The following TOX2 variants were observed in gnomAD, a reference collection of about 807,000 sequenced individuals.
TOX2 encodes the protein TOX high mobility group box family member 2.
Under a neutral mutation model 47.4 loss-of-function variants are expected in TOX2, and 15 were observed. The ratio of observed to expected loss-of-function variants is 0.32; its 90% CI spans 0.21 to 0.49. TOX2 has a LOEUF of 0.49. Among genes scored for constraint, TOX2 ranks in the 20% least tolerant of loss-of-function variants. The pLI, the probability that TOX2 is intolerant of heterozygous loss-of-function variation, is 0.99. For missense variants in TOX2, 622 were observed against 673.1 expected (o/e 0.92, Z 0.84); for synonymous variants, 290 against 296.6 (o/e 0.98, Z 0.23).
rs2071810767 is a variant in TOX2, at chr20:44,065,960, C to T, written c.1209C>T (p.His403=). 1.2e-6 allele frequency: 2 copies of T among 1,613,400 alleles called. No individual in the cohort carries two copies. Among genetic ancestry groups the T allele is most frequent in the Non-Finnish European group, 1.7e-6 (2 of 1,179,858 alleles). Residue 403 remains histidine (H), a synonymous_variant, in exon 7 of 9, where the codon CAC becomes CAT. Transcript: ENST00000341197. ...CCTTCCCGCTCAGCCCCACACTGCA[C>T]CAGCAGCTGTCACTGCCCCCTCACG... ...PPSFPLSPTL[H]QQLSLPPHAQ...
chr20:44,051,669 C>A, intron 4 of TOX2, 124 bp downstream of exon 4: 1 of 1,390,830 alleles, frequency 7.2e-7, no homozygotes, highest in African/African-American at 1.5e-5. Flanking sequence ...CCAAGGTCCC[C>A]GTAGGTGCCA....
chr20:43,940,075 G>C (rs1247029142), intron 1 of TOX2, among the ~76,000 whole-genome samples: 1 of 152,198 alleles, frequency 6.6e-6, no homozygotes, highest in Non-Finnish European at 1.5e-5. Context: ...CAAGTCCCTG[G>C]GACAGTGTGG....
intron 1 of TOX2, among the ~76,000 whole-genome samples, chr20:43,938,453 A>G (rs1191479119): frequency 6.6e-6 from 1 of 152,136 alleles, no homozygotes; most frequent in East Asian, 1.9e-4. Flanking sequence ...CTCAAATGAG[A>G]TAAGTTGAAG....
At position 43,915,991 on chromosome 20, in the gene TOX2, G is replaced by A. The variant is rs529235669; in HGVS notation, c.99+1001G>A. 2.7e-3 allele frequency among the ~76,000 whole-genome samples: 406 copies of A among 152,378 alleles called. 2 individuals carry two copies. Among genetic ancestry groups the A allele is most frequent in the African/African-American group, 9.4e-3 (389 of 41,582 alleles). Reference sequence around the variant, plus strand: ...GGTCTGGCCCAGCCTGGATGGGTTGGGTGCCTCTAAGCAGTCCGCGTCCCC... The same window carrying A: ...GGTCTGGCCCAGCCTGGATGGGTTGAGTGCCTCTAAGCAGTCCGCGTCCCC... On this transcript the variant is annotated intron_variant, in intron 1 of 8. Transcript: ENST00000341197. This position sits in a 1 kb window ranked among gnomAD's most constrained non-coding sequence, Gnocchi z 7.1.
At chr20:43,955,508 A>G (rs945306442) in intron 1 of TOX2, among the ~76,000 whole-genome samples, 1 of 152,152 alleles carries the variant, frequency 6.6e-6, no homozygotes, top group African/African-American at 2.4e-5. Flanking sequence ...ATTTAAAAGG[A>G]GAATTTTTTT....
chr20:43,952,568 C>CT (rs1013126784), intron 1 of TOX2, among the ~76,000 whole-genome samples: 71 of 152,274 alleles, frequency 4.7e-4, no homozygotes, highest in African/African-American at 1.6e-3. Flanking sequence ...CTCAAGTTTG[C>CT]TTTTTTATAC....
chr20:44,049,296 CAT>C (rs1245843854), intron 3 of TOX2, among the ~76,000 whole-genome samples: 1 of 152,206 alleles, frequency 6.6e-6, no homozygotes, highest in Non-Finnish European at 1.5e-5. Flanking sequence ...CATCTGCAAA[CAT>C]AGCCTATTCT....
rs1600661025 is a variant in TOX2, at chr20:43,935,348, G to A, written c.99+20358G>A. 2.0e-5 allele frequency among the ~76,000 whole-genome samples: 3 copies of A among 152,260 alleles called. No individual in the cohort carries two copies. In the South Asian group the frequency reaches 6.2e-4, roughly 32 times the overall value. ...AGCTATAGTCACAGCTTGGAACCTG[G>A]CACGATATGCTGATATCAAACATGG... On this transcript the variant is annotated intron_variant, in intron 1 of 8. Coordinates refer to ENST00000341197, the MANE Select transcript of TOX2 (RefSeq NM_001098797.2).
chr20:44,034,935 T>C (rs754894541), intron 3 of TOX2, among the ~76,000 whole-genome samples: 1 of 152,216 alleles, frequency 6.6e-6, no homozygotes, highest in Admixed American at 6.5e-5. Context: ...TGCTCCTCCT[T>C]CTATGTCTCC....
In TOX2 at chr20:44,068,816, C is replaced by T. The variant is rs1284455840; in HGVS notation, c.*130C>T. On this transcript the variant is annotated 3_prime_UTR_variant, in exon 9 of 9. Coordinates refer to ENST00000341197, the MANE Select transcript of TOX2 (RefSeq NM_001098797.2). ...GAGAGAGCAGTGACACACCCATTGC[C>T]CGGGGGCTGAGTCTCTTCCTCAACC... is the stretch of plus-strand genomic sequence containing the variant. The T allele has an allele frequency of 1.6e-6, 2 of 1,271,484 alleles. No homozygotes were observed. The allele number at this position is 1,271,484 out of a possible 1,614,324, so 78.8% of individuals were successfully genotyped here.
At chr20:44,040,475 A>G (rs2071313939) in intron 3 of TOX2, among the ~76,000 whole-genome samples, 2 of 152,166 alleles carry the variant, frequency 1.3e-5, no homozygotes, top group Admixed American at 1.3e-4. Flanking sequence ...GGAAGGCATC[A>G]TAACTTAGGG....
intron 1 of TOX2, among the ~76,000 whole-genome samples, chr20:43,927,683 TCCTTCCCTTCC>T (rs1386664953): frequency 5.5e-5 from 5 of 90,712 alleles, no homozygotes; most frequent in African/African-American, 1.4e-4. Flanking sequence ...CTTTCTTCCT[TCCTTCCCTTCC>T]CCTTCCTTCC....
intron 1 of TOX2, among the ~76,000 whole-genome samples, chr20:43,956,595 A>G (rs1314739313): frequency 6.7e-6 from 1 of 148,456 alleles, no homozygotes; most frequent in Non-Finnish European, 1.5e-5. Context: ...TGTTTTCTGT[A>G]TATCACTTTA....
intron 6 of TOX2, among the ~76,000 whole-genome samples, chr20:44,065,234 G>A (rs564750523): frequency 7.2e-5 from 11 of 152,278 alleles, no homozygotes; most frequent in African/African-American, 1.2e-4. Context: ...TCACCACACC[G>A]TCGGCCTCCT....
intron 3 of TOX2, among the ~76,000 whole-genome samples, chr20:44,027,271 A>T (rs2071081446): frequency 6.6e-6 from 1 of 152,116 alleles, no homozygotes; most frequent in African/African-American, 2.4e-5. Context: ...CACATGTGCC[A>T]ATTCAGAATG....
At chr20:44,016,475 G>T (rs2070880721) in intron 3 of TOX2, among the ~76,000 whole-genome samples, 1 of 151,964 alleles carries the variant, frequency 6.6e-6, no homozygotes, top group Admixed American at 6.6e-5. Context: ...TTTAGCGCAG[G>T]GGTTCCCAAC....
chr20:44,006,895 T>C, intron 3 of TOX2, 103 bp downstream of exon 3: 1 of 1,457,254 alleles, frequency 6.9e-7, no homozygotes, highest in Non-Finnish European at 9.1e-7. Context: ...TCTCTGCTCA[T>C]GGGCAGGGTC....
At chr20:43,919,231 A>T (rs6017217) in intron 1 of TOX2, among the ~76,000 whole-genome samples, 9 of 152,082 alleles carry the variant, frequency 5.9e-5, no homozygotes, top group Non-Finnish European at 1.2e-4. Flanking sequence ...CACTGTGCAC[A>T]GCAACTGATG....
At chr20:44,037,021 C>T (rs1312478418) in intron 3 of TOX2, among the ~76,000 whole-genome samples, 3 of 152,186 alleles carry the variant, frequency 2.0e-5, no homozygotes, top group Admixed American at 6.5e-5. Context: ...ATGGTGCGAT[C>T]GCAGCTCATT....
Sources: gnomAD v4.1 joint callset for allele counts (sites outside exome capture counted in the v4.1 genomes callset) on GRCh38, gnomAD v4.1.1 for gene constraint, Gnocchi (gnomAD v3.1) non-coding constraint, MANE v1.5 for transcripts, NCBI Gene and HGNC (gene_info 2026-07-23, HGNC 2026-07-21) for gene names.